The following RGS20 variants were observed in gnomAD, a reference collection of about 807,000 sequenced individuals.
The protein encoded by RGS20 is regulator of G protein signaling 20.
A neutral mutation model predicts 33.6 loss-of-function variants in RGS20; 30 were observed. The ratio of observed to expected loss-of-function variants is 0.89; its 90% CI spans 0.67 to 1.21. The LOEUF is 1.21. RGS20 is among the 50% of genes most tolerant of loss of function. The pLI, the probability that RGS20 is intolerant of heterozygous loss-of-function variation, is 0.00. For missense variants in RGS20, 472 were observed against 502.4 expected, an observed-to-expected ratio of 0.94 and a Z score of 0.58; for synonymous variants, 208 against 197.9, an observed-to-expected ratio of 1.05 and a Z score of -0.43.
At chr8:53,882,047 C>G (rs965913854) in intron 2 of RGS20, among the ~76,000 whole-genome samples, 3 of 151,968 alleles carry the variant, frequency 2.0e-5, no homozygotes, top group Non-Finnish European at 4.4e-5. Context: ...AAGCGGCGCT[C>G]CGGGACCGGG....
chr8:53,917,268 C>T (rs1035994640), intron 2 of RGS20, among the ~76,000 whole-genome samples: 1 of 152,146 alleles, frequency 6.6e-6, no homozygotes, highest in Admixed American at 6.5e-5. Flanking sequence ...CTGCCTCAGC[C>T]TCCTGAGTAG....
At chr8:53,912,586 C>T (rs914222913) in intron 2 of RGS20, among the ~76,000 whole-genome samples, 1 of 152,048 alleles carries the variant, frequency 6.6e-6, no homozygotes, top group African/African-American at 2.4e-5. Flanking sequence ...TCTGTCTATT[C>T]TGATACTTCA....
chr8:53,880,793 G>A (rs1194539827), intron 2 of RGS20, 79 bp from the exon 1 acceptor site: 2 of 1,282,358 alleles, frequency 1.6e-6, no homozygotes, highest in East Asian at 6.3e-5. Context: ...CCGCGGCGGT[G>A]GAGTGCGCCG....
chr8:53,935,416 A>G (rs1264804583), intron 2 of RGS20, among the ~76,000 whole-genome samples: 1 of 152,218 alleles, frequency 6.6e-6, no homozygotes, highest in Non-Finnish European at 1.5e-5. Context: ...AAAATTATAA[A>G]GCAGATATCA....
chr8:53,881,917 G>A (rs1166807725), intron 2 of RGS20, among the ~76,000 whole-genome samples: 1 of 152,140 alleles, frequency 6.6e-6, no homozygotes, highest in East Asian at 1.9e-4. Flanking sequence ...CGGGAGACTG[G>A]GGGCGGGAAG....
chr8:53,899,139 C>T (rs1169276643), intron 2 of RGS20, among the ~76,000 whole-genome samples: 1 of 152,244 alleles, frequency 6.6e-6, no homozygotes, highest in African/African-American at 2.4e-5. Context: ...GTCTGTCCTC[C>T]TGGCACCACA....
chr8:53,900,136 A>G (rs1812970601), intron 2 of RGS20, among the ~76,000 whole-genome samples: 1 of 152,160 alleles, frequency 6.6e-6, no homozygotes, highest in Non-Finnish European at 1.5e-5. Flanking sequence ...CCTGCTGAAT[A>G]TAGACACAAA....
chr8:53,866,127 G>A (rs1316321895), intron 1 of RGS20, among the ~76,000 whole-genome samples: 2 of 152,154 alleles, frequency 1.3e-5, no homozygotes, highest in African/African-American at 4.8e-5. Context: ...GGAGAGGGGA[G>A]TGATTCAGGC....
At chr8:53,940,095 G>GGCTC (rs1814246619) in intron 3 of RGS20, among the ~76,000 whole-genome samples, 1 of 152,150 alleles carries the variant, frequency 6.6e-6, no homozygotes, top group Admixed American at 6.5e-5. Context: ...TAAAGGTTAG[G>GGCTC]GCGATGAAGT....
At position 53,947,694 on chromosome 8, in the gene RGS20, GC is replaced by G. The variant is rs1178687751; in HGVS notation, c.743+947del. ...GGATATAGTACATACATTTATATAT[GC>G]TATATATAGGATATAGTACATACAT... On this transcript the variant is annotated intron_variant, in intron 4 of 5. Coordinates refer to ENST00000297313, the MANE Select transcript of RGS20 (RefSeq NM_170587.4). Among the ~76,000 whole-genome samples, 283 of 86,422 alleles carry G rather than the reference GC, an allele frequency of 3.3e-3. 6 individuals are homozygous for G. The highest frequency in any genetic ancestry group is 0.02 in the Middle Eastern group (1 of 50). 56.7% of individuals were successfully genotyped at this position (86,422 alleles called of 152,430 possible).
chr8:53,861,973 G>A (rs556288635), intron 1 of RGS20, among the ~76,000 whole-genome samples: 18 of 152,080 alleles, frequency 1.2e-4, no homozygotes, highest in Non-Finnish European at 2.6e-4. Context: ...GCTTTGGGGG[G>A]GCCAACCATT....
rs746316834 is a variant in RGS20 at position 53,954,205 on chromosome 8, C to T, written c.873C>T (p.Phe291=). ...AATTCAGTGAGGAAAATATGCTCTT[C>T]TGGATGGCCTGTGAGGAACTGAAAA... The change falls in exon 5 of 6, where the codon TTC becomes TTT. Residue 291 remains phenylalanine (F), a synonymous_variant. Coordinates refer to ENST00000297313, the MANE Select transcript of RGS20 (RefSeq NM_170587.4). The T allele has an allele frequency of 1.2e-5, 19 of 1,613,890 alleles. No individual in the cohort carries two copies. Among genetic ancestry groups the T allele is most frequent in the Admixed American group, 1.7e-5 (1 of 59,988 alleles).
intron 2 of RGS20, among the ~76,000 whole-genome samples, chr8:53,935,301 A>T (rs955257442): frequency 3.9e-5 from 6 of 152,192 alleles, no homozygotes; most frequent in Non-Finnish European, 7.3e-5. Flanking sequence ...CCTTCAAAAA[A>T]TCAATGAATC....
chr8:53,948,930 T>C (rs1323505724), intron 4 of RGS20, among the ~76,000 whole-genome samples: 1 of 76,452 alleles, frequency 1.3e-5, no homozygotes, highest in Non-Finnish European at 2.2e-5. Context: ...CTATATAAGA[T>C]ACAGTACATA....
At chr8:53,885,301 C>T (rs997602721) in intron 2 of RGS20, among the ~76,000 whole-genome samples, 1 of 152,202 alleles carries the variant, frequency 6.6e-6, no homozygotes, top group Non-Finnish European at 1.5e-5. Context: ...GTCCAGCCCT[C>T]ACATCCACAG....
At chr8:53,909,616 T>G (rs56304962) in intron 2 of RGS20, among the ~76,000 whole-genome samples, 8,269 of 152,108 alleles carry the variant, frequency 0.054, 678 homozygotes, top group African/African-American at 0.18. Context: ...TTTAAATGCA[T>G]GCTTATATTA....
At position 53,881,705 on chromosome 8, in the gene RGS20, G is replaced by C. The variant is rs1812389350; in HGVS notation, c.510+2103G>C. ...GTATGGGCGTTCACTCGGAGCCTCTGTTCACGCTCTTGAAAACCGAATGAA... is the reference window on the plus strand; with the variant it reads ...GTATGGGCGTTCACTCGGAGCCTCTCTTCACGCTCTTGAAAACCGAATGAA... On this transcript the variant is annotated intron_variant, in intron 2 of 5. Transcript: ENST00000297313. 2.0e-5 allele frequency among the ~76,000 whole-genome samples: 3 copies of C among 152,294 alleles called. No homozygotes were observed. The South Asian group carries it at 6.2e-4, about 32-fold the overall frequency.
chr8:53,885,334 C>T (rs1048409575), intron 2 of RGS20, among the ~76,000 whole-genome samples: 19 of 152,202 alleles, frequency 1.2e-4, no homozygotes, highest in African/African-American at 3.9e-4. Context: ...ACAGCAGAGG[C>T]CGGGCGCGGT....
Position 53,852,050 on chromosome 8 carries a change from G to A in RGS20, c.151G>A (p.Val51Ile). The change falls in exon 1 of 6, where the codon GTT (valine) becomes ATT (isoleucine). Residue 51 changes from valine to isoleucine, a missense_variant. Around this residue, in one of 3 missense-constraint regions of RGS20, gnomAD observed 319 missense variants for 283.4 expected, o/e 1.13. Transcript: ENST00000297313. ...AGAAAATGAAGGAGACCTCAGGGCT[G>A]TTCCTGATATCAAGGTAAGGTGATT... The A allele has an allele frequency of 1.2e-6, 2 of 1,608,938 alleles. No homozygotes were observed. Among genetic ancestry groups the A allele is most frequent in the African/African-American group, 2.7e-5 (2 of 74,934 alleles).
Sources: allele counts gnomAD v4.1 joint callset (sites outside exome capture counted in the v4.1 genomes callset), GRCh38; gene constraint gnomAD v4.1.1; regional missense constraint gnomAD v4.1.1; transcripts MANE v1.5; gene names NCBI Gene and HGNC (gene_info 2026-07-23, HGNC 2026-07-21).